Variants in ASB4 observed in about 807,000 individuals in gnomAD.
ASB4 encodes the protein ankyrin repeat and SOCS box containing 4.
A neutral mutation model predicts 38.6 loss-of-function variants in ASB4; 35 were observed. That is an observed-to-expected ratio of 0.91 (90% CI 0.69 to 1.20). The LOEUF is 1.20. ASB4 is among the 50% of genes most tolerant of loss of function. The probability of loss-of-function intolerance (pLI) is 0.00; values close to 1 mark genes in which losing one functional copy is unlikely to be tolerated. For synonymous variants in ASB4, 195 were observed against 201.3 expected (o/e 0.97, Z 0.26); for missense variants, 557 against 527.2 (o/e 1.06, Z -0.55).
At chr7:95,480,513 G>A (rs1790013753) in intron 1 of ASB4, among the ~76,000 whole-genome samples, 1 of 152,178 alleles carries the variant, frequency 6.6e-6, no homozygotes. Context: ...CACAAAAGAT[G>A]TTGCAGCTTC....
At chr7:95,536,659 G>A (rs551038542) in intron 4 of ASB4, 109 bp downstream of exon 4, 3 of 640,230 alleles carry the variant, frequency 4.7e-6, no homozygotes, top group Non-Finnish European at 8.1e-6. Context: ...TGCCTTTAAA[G>A]CGTACTCAAA....
At chr7:95,543,293 T>A (rs1384261383), downstream of ASB4, 1 of 152,270 alleles carries the variant, frequency 6.6e-6, no homozygotes, top group Non-Finnish European at 1.5e-5. Flanking sequence ...GTCGCCTGGC[T>A]TCCTAGAGGG....
chr7:95,472,078 T>C, the ASB4 span: 1 of 151,872 alleles, frequency 6.6e-6, no homozygotes, highest in Non-Finnish European at 1.5e-5. Flanking sequence ...TGGGTGTGTG[T>C]GGTGGTGGGA....
chr7:95,497,313 C>T (rs562423811), intron 2 of ASB4, among the ~76,000 whole-genome samples: 2 of 152,116 alleles, frequency 1.3e-5, no homozygotes, highest in African/African-American at 4.8e-5. Flanking sequence ...GTGGCTTGCA[C>T]CAGGGGCAAG....
At chr7:95,505,928 C>G (rs775580416) in intron 2 of ASB4, among the ~76,000 whole-genome samples, 6 of 152,112 alleles carry the variant, frequency 3.9e-5, no homozygotes, top group Admixed American at 2.0e-4. Flanking sequence ...GGGTTTCACT[C>G]TGTCACCCAG....
intron 2 of ASB4, among the ~76,000 whole-genome samples, chr7:95,511,623 T>A (rs1006874590): frequency 2.1e-4 from 32 of 151,178 alleles, no homozygotes; most frequent in African/African-American, 2.9e-4. Flanking sequence ...GATTGCGCCA[T>A]TGCACTCCAG....
the ASB4 span, among the ~76,000 whole-genome samples, chr7:95,548,316 G>T: frequency 2.6e-5 from 4 of 152,196 alleles, no homozygotes; most frequent in Non-Finnish European, 5.9e-5. Context: ...GAGGGCTAAT[G>T]ATGTTAAACA....
intron 2 of ASB4, among the ~76,000 whole-genome samples, chr7:95,518,646 A>G (rs568140507): frequency 1.3e-5 from 2 of 152,352 alleles, no homozygotes; most frequent in South Asian, 4.1e-4. Context: ...AGGGTAAGAT[A>G]GAGATTAAAC....
chr7:95,493,601 A>G (rs969276273), intron 1 of ASB4, among the ~76,000 whole-genome samples: 1 of 152,156 alleles, frequency 6.6e-6, no homozygotes, highest in Non-Finnish European at 1.5e-5. Flanking sequence ...ATACATGCAC[A>G]GGATACTAAA....
chr7:95,542,343 T>C (rs192413921), downstream of ASB4: 85 of 152,344 alleles, frequency 5.6e-4, 1 homozygote, highest in African/African-American at 2.0e-3. Context: ...ATAAGTTGCT[T>C]TGTTCATGTT....
the ASB4 span, among the ~76,000 whole-genome samples, chr7:95,546,225 G>A: frequency 3.9e-5 from 6 of 152,128 alleles, no homozygotes; most frequent in Non-Finnish European, 8.8e-5. Context: ...TGTAGACCCT[G>A]CACATTCCAC....
At chr7:95,545,446 G>C in the ASB4 span, among the ~76,000 whole-genome samples, 1 of 152,108 alleles carries the variant, frequency 6.6e-6, no homozygotes, top group Admixed American at 6.6e-5. Context: ...CAACATTGCA[G>C]TTAGTTTCTC....
intron 1 of ASB4, among the ~76,000 whole-genome samples, chr7:95,493,691 AC>A (rs902252964): frequency 1.3e-5 from 2 of 150,688 alleles, no homozygotes; most frequent in African/African-American, 2.4e-5. Context: ...TGATCCCCCA[AC>A]CCCCCAGTTC....
rs1311851949 is a variant in ASB4 at position 95,528,269 on chromosome 7, G to A, written c.944G>A (p.Gly315Glu). The change falls in exon 3 of 5, where the codon GGG becomes GAG. Residue 315 changes from glycine to glutamate, a missense_variant. Physicochemically the swap from Gly to Glu is moderately conservative, Grantham distance 98 (BLOSUM62 -2). Transcript: ENST00000325885. ...EICYQLLLNH[G>E]AARIYPPQFH... ...TGCTACCAGCTCCTGTTGAACCATG[G>A]GGCTGCCCGAATATACCCTCCACAG... 6.2e-7 allele frequency: 1 copy of A among 1,613,978 alleles called. No homozygotes were observed. The highest frequency in any genetic ancestry group is 8.5e-7 in the Non-Finnish European group (1 of 1,180,022).
chr7:95,526,171 G>A (rs1790733752), intron 2 of ASB4, among the ~76,000 whole-genome samples: 1 of 152,170 alleles, frequency 6.6e-6, no homozygotes, highest in Non-Finnish European at 1.5e-5. Flanking sequence ...GAATTTCGAA[G>A]CCAGTCTGTC....
Position 95,538,690 on chromosome 7 carries a change from T to G in ASB4, c.*931T>G, listed in dbSNP as rs1173872844. 6.6e-6 allele frequency: 1 copy of G among 152,168 alleles called. No individual in the cohort carries two copies. Among genetic ancestry groups the G allele is most frequent in the Non-Finnish European group, 1.5e-5 (1 of 68,040 alleles). 9.4% of individuals were successfully genotyped at this position (152,168 alleles called of 1,614,324 possible). A position where few individuals can be genotyped will look rare whatever the true frequency, so the allele number is the denominator to read the frequency against. On this transcript the variant is annotated 3_prime_UTR_variant, in exon 5 of 5. Coordinates refer to ENST00000325885, the MANE Select transcript of ASB4 (RefSeq NM_016116.3). ...TTCTAGATAGTGTGTCTTTTTGGTA[T>G]GGTTTCTTGGTTAGTATTAATACTT...
At chr7:95,526,486 C>A (rs570316314) in intron 2 of ASB4, among the ~76,000 whole-genome samples, 38 of 152,228 alleles carry the variant, frequency 2.5e-4, no homozygotes, top group Non-Finnish European at 4.7e-4. Context: ...ATCTGCCTTT[C>A]TTTACCTACA....
At chr7:95,549,237 T>C in the ASB4 span, among the ~76,000 whole-genome samples, 1 of 151,768 alleles carries the variant, frequency 6.6e-6, no homozygotes, top group Non-Finnish European at 1.5e-5. Flanking sequence ...TTAAAGTGCC[T>C]GAAATATTGG....
chr7:95,477,886 C>T (rs1045568390), upstream of ASB4, among the ~76,000 whole-genome samples: 3 of 152,102 alleles, frequency 2.0e-5, no homozygotes, highest in African/African-American at 7.2e-5. Context: ...CTTTCCCATT[C>T]CTAACTGCAG....
Sources: gnomAD v4.1 joint callset for allele counts (sites outside exome capture counted in the v4.1 genomes callset) on GRCh38, gnomAD v4.1.1 for gene constraint, MANE v1.5 for transcripts, NCBI Gene and HGNC (gene_info 2026-07-23, HGNC 2026-07-21) for gene names.